Variants in GPATCH2L observed in about 807,000 individuals in gnomAD.
GPATCH2L encodes the protein G-patch domain containing 2 like.
A neutral mutation model predicts 57.4 loss-of-function variants in GPATCH2L; 31 were observed. The observed-to-expected ratio is 0.54, with a 90% CI of 0.41 to 0.73. The LOEUF is 0.73. Among genes scored for constraint, GPATCH2L ranks in the 30% least tolerant of loss-of-function variants. GPATCH2L has a pLI of 0.00. For synonymous variants in GPATCH2L, 199 were observed against 210.7 expected (o/e 0.94, Z 0.48); for missense variants, 481 against 599.9 (o/e 0.80, Z 2.07).
intron 2 of GPATCH2L, among the ~76,000 whole-genome samples, chr14:76,164,650 A>G (rs992679086): frequency 2.0e-5 from 3 of 152,228 alleles, no homozygotes; most frequent in Non-Finnish European, 2.9e-5. Context: ...CTATTGATCT[A>G]TAGTTTTAAA....
At chr14:76,183,580 A>T (rs1162119988) in intron 8 of GPATCH2L, among the ~76,000 whole-genome samples, 1 of 151,976 alleles carries the variant, frequency 6.6e-6, no homozygotes, top group Non-Finnish European at 1.5e-5. Context: ...CAGATTTTTT[A>T]CTCATGAGGG....
intron 3 of GPATCH2L, among the ~76,000 whole-genome samples, chr14:76,171,301 G>C (rs897588221): frequency 6.6e-6 from 1 of 150,542 alleles, no homozygotes; most frequent in African/African-American, 2.4e-5. Context: ...AAGACTGGGC[G>C]CGGTGGCTCA....
At chr14:76,177,880 C>T in intron 6 of GPATCH2L, 108 bp from the exon 7 acceptor site, 2 of 1,548,030 alleles carry the variant, frequency 1.3e-6, no homozygotes, top group African/African-American at 1.4e-5. Flanking sequence ...GTTATTCTCT[C>T]CCTCTCTTTA....
Position 76,170,844 on chromosome 14 carries a change from T to C in GPATCH2L, c.728-999T>C, listed in dbSNP as rs2039050614. 4 of 152,210 alleles carry C rather than the reference T, an allele frequency of 2.6e-5. No homozygotes were observed. In the South Asian group the frequency reaches 8.3e-4, roughly 32 times the overall value. 9.4% of individuals were successfully genotyped at this position (152,210 alleles called of 1,614,324 possible). On this transcript the variant is annotated intron_variant, in intron 3 of 9. Transcript: ENST00000261530. ...TAATAAAGATCTCAGGCTTTTGAGT[T>C]AGTCAGGCTTTGGGTTCAGATCCTG...
chr14:76,225,931 G>A (rs527711045), intron 1 of GPATCH2L, among the ~76,000 whole-genome samples: 9 of 152,294 alleles, frequency 5.9e-5, no homozygotes, highest in African/African-American at 2.2e-4. Context: ...ATACTCAACA[G>A]AAGGTCTAAA....
At chr14:76,160,644 T>G (rs577361582) in intron 2 of GPATCH2L, among the ~76,000 whole-genome samples, 18 of 152,238 alleles carry the variant, frequency 1.2e-4, no homozygotes, top group Non-Finnish European at 2.4e-4. Context: ...ATATTTTATT[T>G]TAGTTTTTCT....
At chr14:76,179,255 A>G (rs1566795211) in intron 7 of GPATCH2L, 1 of 152,254 alleles carries the variant, frequency 6.6e-6, no homozygotes, top group Non-Finnish European at 1.5e-5. Flanking sequence ...ATTATAGTGT[A>G]CATTGGAAAA....
At chr14:76,187,329 G>A (rs2139758377) in intron 8 of GPATCH2L, among the ~76,000 whole-genome samples, 1 of 152,094 alleles carries the variant, frequency 6.6e-6, no homozygotes, top group Non-Finnish European at 1.5e-5. Context: ...AGCTCCTGGG[G>A]ACAGGACCTC....
Position 76,176,650 on chromosome 14 carries a change from G to A in GPATCH2L, c.1012G>A (p.Glu338Lys). The change falls in exon 6 of 10, where the codon GAG becomes AAG. Residue 338 changes from glutamate to lysine, a missense_variant. Physicochemically the swap from Glu to Lys is moderately conservative, Grantham distance 56. Transcript: ENST00000261530. ...GACCAGCATAAACACTTTGGGGACT[G>A]AGAGGATAAGCCATATCATTAGTGA... ...KETSINTLGTERISHIISDPR... is the reference protein window; with the variant it reads ...KETSINTLGTKRISHIISDPR... 6.2e-7 allele frequency: 1 copy of A among 1,611,548 alleles called. No homozygotes were observed. Among genetic ancestry groups the A allele is most frequent in the African/African-American group, 1.3e-5 (1 of 75,000 alleles).
chr14:76,167,385 A>G (rs1420601737), intron 3 of GPATCH2L, among the ~76,000 whole-genome samples: 2 of 152,064 alleles, frequency 1.3e-5, no homozygotes, highest in Non-Finnish European at 2.9e-5. Flanking sequence ...GCCTTTTTGG[A>G]CTGTGGTTTT....
At chr14:76,214,521 T>C (rs2040475395), downstream of GPATCH2L, among the ~76,000 whole-genome samples, 1 of 152,234 alleles carries the variant, frequency 6.6e-6, no homozygotes, top group South Asian at 2.1e-4. Context: ...GGGTGCTGGC[T>C]GATTCAATGT....
At chr14:76,233,800 C>T (rs1056068316) in intron 2 of GPATCH2L, among the ~76,000 whole-genome samples, 20 of 152,218 alleles carry the variant, frequency 1.3e-4, no homozygotes, top group African/African-American at 4.8e-4. Flanking sequence ...GGTTTTTTTA[C>T]ATTAAAAACA....
rs1345463285 is a variant in GPATCH2L, at chr14:76,210,541, A to G, written c.*8690A>G. 1.3e-5 allele frequency: 2 copies of G among 152,238 alleles called. No homozygotes were observed. The highest frequency in any genetic ancestry group is 2.9e-5 in the Non-Finnish European group (2 of 68,054). 9.4% of individuals were successfully genotyped at this position (152,238 alleles called of 1,614,324 possible). Reference sequence around the variant, plus strand: ...ATGGGCTCATCCCTTCTCTGTGCGTACATGATTGAAAGGAGATAGCCGGTT... The same window carrying G: ...ATGGGCTCATCCCTTCTCTGTGCGTGCATGATTGAAAGGAGATAGCCGGTT... On this transcript the variant is annotated 3_prime_UTR_variant, in exon 10 of 10. Coordinates refer to ENST00000261530, the MANE Select transcript of GPATCH2L (RefSeq NM_017926.4).
rs562125622 is a variant in GPATCH2L at position 76,185,307 on chromosome 14, A to C, written c.1193+4458A>C. The stretch of plus-strand genomic sequence containing the variant: ...AGAATTGCTGCTGCCCAAACAGCAG[A>C]TGGTGTGATTGGCGTTCTGGTAGAG... On this transcript the variant is annotated intron_variant, in intron 8 of 9. Coordinates refer to ENST00000261530, the MANE Select transcript of GPATCH2L (RefSeq NM_017926.4). Among the ~76,000 whole-genome samples, 24 of 152,318 alleles carry C rather than the reference A, an allele frequency of 1.6e-4. No homozygotes were observed. In the South Asian group the frequency reaches 5.0e-3, roughly 32 times the overall value.
At position 76,209,346 on chromosome 14, in the gene GPATCH2L, A is replaced by G. The variant is rs1450409067; in HGVS notation, c.*7495A>G. On this transcript the variant is annotated 3_prime_UTR_variant, in exon 10 of 10. Transcript: ENST00000261530. The stretch of plus-strand genomic sequence containing the variant: ...TTAAAAGCACAGATTAGAGTGGAGC[A>G]TTCACATTTATTACTGCAGGCTTCT... 1.3e-5 allele frequency: 2 copies of G among 152,260 alleles called. No homozygotes were observed. The highest frequency in any genetic ancestry group is 2.9e-5 in the Non-Finnish European group (2 of 68,062). 9.4% of individuals were successfully genotyped at this position (152,260 alleles called of 1,614,324 possible). A position where few individuals can be genotyped will look rare whatever the true frequency, so the allele number is the denominator to read the frequency against.
chr14:76,234,173 T>C (rs1464986712), intron 2 of GPATCH2L, among the ~76,000 whole-genome samples: 2 of 152,216 alleles, frequency 1.3e-5, no homozygotes, highest in Non-Finnish European at 2.9e-5. Context: ...TGGAGATTCA[T>C]AGATATGTCT....
chr14:76,156,556 A>C (rs1448041029), intron 2 of GPATCH2L, among the ~76,000 whole-genome samples: 1 of 152,194 alleles, frequency 6.6e-6, no homozygotes, highest in African/African-American at 2.4e-5. Context: ...TCATCAGACT[A>C]TTTTTAATCA....
At chr14:76,226,878 C>T (rs541543286) in intron 1 of GPATCH2L, among the ~76,000 whole-genome samples, 5 of 152,232 alleles carry the variant, frequency 3.3e-5, no homozygotes, top group East Asian at 3.9e-4. Flanking sequence ...AGAGTGTACA[C>T]GGAGCTGTAC....
intron 6 of GPATCH2L, among the ~76,000 whole-genome samples, chr14:76,177,277 C>G (rs1322892886): frequency 6.6e-6 from 1 of 152,118 alleles, no homozygotes; most frequent in African/African-American, 2.4e-5. Context: ...AACTCCTGGG[C>G]TCAAGCGATT....
Sources: allele counts gnomAD v4.1 joint callset (sites outside exome capture counted in the v4.1 genomes callset), GRCh38; gene constraint gnomAD v4.1.1; transcripts MANE v1.5; gene names NCBI Gene and HGNC (gene_info 2026-07-23, HGNC 2026-07-21).